Variants in ARFRP1 observed in about 807,000 individuals in gnomAD.
ARFRP1 encodes the protein ARF related protein 1.
Under a neutral mutation model 30.3 loss-of-function variants are expected in ARFRP1, and 19 were observed. The observed-to-expected ratio is 0.63, with a 90% CI of 0.44 to 0.92. The LOEUF (loss-of-function observed/expected upper bound fraction) is 0.92. Among genes scored for constraint, ARFRP1 ranks in the 40% least tolerant of loss-of-function variants. The pLI is 0.00. For missense variants in ARFRP1, 245 were observed against 267.5 expected (o/e 0.92, Z 0.59); for synonymous variants, 133 against 114.2 (o/e 1.16, Z -1.05).
chr20:63,707,108 C>G lies in ARFRP1; in HGVS notation c.-6-11G>C, dbSNP rs775129483. On this transcript the variant is annotated splice_polypyrimidine_tract_variant and intron_variant, in intron 1 of 7. Coordinates refer to ENST00000622789, the MANE Select transcript of ARFRP1 (RefSeq NM_001267547.3). Reference sequence around the variant, plus strand: ...CGTGTACATCCTGCCCTGGGCACCCCAACATAGGTCAGTGTGCAGCCAGAA... The same window carrying G: ...CGTGTACATCCTGCCCTGGGCACCCGAACATAGGTCAGTGTGCAGCCAGAA... The G allele has an allele frequency of 6.3e-7, 1 of 1,590,734 alleles. No individual in the cohort carries two copies. The highest frequency in any genetic ancestry group is 2.3e-5 in the East Asian group (1 of 43,302).
chr20:63,707,653 G>A, intron 1 of ARFRP1: 1 of 152,394 alleles, frequency 6.6e-6, no homozygotes. Context: ...GCTGCTCCTG[G>A]AGTGCACCTG....
Sources: gnomAD v4.1 joint callset for allele counts on GRCh38, gnomAD v4.1.1 for gene constraint, MANE v1.5 for transcripts, NCBI Gene and HGNC (gene_info 2026-07-23, HGNC 2026-07-21) for gene names.